The following IRGM variants were observed in gnomAD, a reference collection of about 807,000 sequenced individuals.
IRGM encodes immunity related GTPase M, also known as immunity-related GTPase family M protein.
For synonymous variants in IRGM, 98 were observed against 80.6 expected (o/e 1.22, Z -1.16); for missense variants, 288 against 219.9 (o/e 1.31, Z -1.96).
chr5:150,859,166 C>T (rs1276435632), intron 1 of IRGM, among the ~76,000 whole-genome samples: 5 of 152,176 alleles, frequency 3.3e-5, no homozygotes, highest in African/African-American at 1.2e-4. Flanking sequence ...AGGGCCTTTT[C>T]TGCATCTATT....
chr5:150,853,835 A>G (rs561096070), intron 1 of IRGM, among the ~76,000 whole-genome samples: 7 of 152,214 alleles, frequency 4.6e-5, no homozygotes, highest in Non-Finnish European at 8.8e-5. Context: ...AGTATCTATA[A>G]AAACAACATA....
chr5:150,883,497 C>T (rs950936033), intron 3 of IRGM, among the ~76,000 whole-genome samples: 1 of 151,436 alleles, frequency 6.6e-6, no homozygotes, highest in African/African-American at 2.4e-5. Flanking sequence ...AATTGACAAA[C>T]CCTTAGCTAG....
intron 3 of IRGM, among the ~76,000 whole-genome samples, chr5:150,882,410 C>T (rs1170229348): frequency 6.6e-6 from 1 of 151,862 alleles, no homozygotes; most frequent in East Asian, 1.9e-4. Flanking sequence ...TTAAATTCTT[C>T]AATCAAAAGA....
At chr5:150,897,974 A>C (rs1236376405) in intron 3 of IRGM, 1 of 1,483,146 alleles carries the variant, frequency 6.7e-7, no homozygotes, top group African/African-American at 1.4e-5. Flanking sequence ...TCAGCATAGA[A>C]GCAAAGAATA....
intron 3 of IRGM, chr5:150,895,817 G>T (rs376162000): frequency 1.2e-6 from 2 of 1,613,522 alleles, no homozygotes; most frequent in African/African-American, 1.3e-5. Flanking sequence ...ACTTGCGGGA[G>T]AATGTCTTTC....
intron 3 of IRGM, among the ~76,000 whole-genome samples, chr5:150,899,077 C>A (rs556380856): frequency 6.6e-6 from 1 of 151,824 alleles, no homozygotes; most frequent in South Asian, 2.1e-4. Context: ...GAAGATAATG[C>A]AAAGAGAAAA....
At chr5:150,849,172 A>C (rs918148160), downstream of IRGM, among the ~76,000 whole-genome samples, 3 of 151,898 alleles carry the variant, frequency 2.0e-5, no homozygotes, top group Non-Finnish European at 4.4e-5. Flanking sequence ...TGGGCTTAAA[A>C]ACACACAACT....
downstream of IRGM, among the ~76,000 whole-genome samples, chr5:150,901,879 A>C (rs1197658206): frequency 1.3e-5 from 2 of 152,168 alleles, no homozygotes; most frequent in African/African-American, 4.8e-5. Flanking sequence ...AGTGTATACA[A>C]AAGACCTTTA....
At chr5:150,897,957 T>C in intron 3 of IRGM, 1 of 1,420,936 alleles carries the variant, frequency 7.0e-7, no homozygotes, top group South Asian at 1.4e-5. Context: ...GAGTGACTAC[T>C]AAATTCTCAG....
intron 3 of IRGM, among the ~76,000 whole-genome samples, chr5:150,886,219 AT>A (rs1306895727): frequency 4.6e-5 from 7 of 152,060 alleles, no homozygotes; most frequent in Non-Finnish European, 4.4e-5. Context: ...TTATTTTCTT[AT>A]GTTGAAGCAA....
downstream of IRGM, chr5:150,900,767 T>C (rs1434258230): frequency 6.6e-6 from 1 of 152,044 alleles, no homozygotes; most frequent in Non-Finnish European, 1.5e-5. Context: ...TAATTTGTTT[T>C]ATCTGAAGAA....
chr5:150,872,792 A>T (rs1325164050), intron 1 of IRGM, among the ~76,000 whole-genome samples: 1 of 152,150 alleles, frequency 6.6e-6, no homozygotes, highest in African/African-American at 2.4e-5. Context: ...CCTTGGTGTA[A>T]TGTACAGGGA....
chr5:150,891,173 A>G (rs1754604151), intron 3 of IRGM, among the ~76,000 whole-genome samples: 1 of 152,108 alleles, frequency 6.6e-6, no homozygotes, highest in South Asian at 2.1e-4. Context: ...TTCCTTTATC[A>G]CTATGAACTG....
At chr5:150,898,879 A>C (rs186376430) in intron 3 of IRGM, among the ~76,000 whole-genome samples, 1 of 152,160 alleles carries the variant, frequency 6.6e-6, no homozygotes, top group Non-Finnish European at 1.5e-5. Context: ...TTATGGGTTG[A>C]GTTGTATCTC....
intron 1 of IRGM, among the ~76,000 whole-genome samples, chr5:150,856,836 CTTT>C (rs112223601): frequency 2.0e-5 from 3 of 148,028 alleles, no homozygotes; most frequent in Non-Finnish European, 4.5e-5. Context: ...CATCCATTTT[CTTT>C]TTTTATTTTA....
In IRGM at chr5:150,880,594, C is replaced by T. The variant is rs75801155; in HGVS notation, c.*140+948C>T. 1.9e-3 allele frequency among the ~76,000 whole-genome samples: 294 copies of T among 152,306 alleles called. 3 individuals carry two copies. Among genetic ancestry groups the T allele is most frequent in the African/African-American group, 6.7e-3 (280 of 41,568 alleles). On this transcript the variant is annotated intron_variant and NMD_transcript_variant, in intron 3 of 3. Transcript: ENST00000520549. ...CCTAGGTCATGTATCTAGGTCACAT[C>T]ACTCACCCAGGCCAGGAAAGCCCTC...
intron 1 of IRGM, among the ~76,000 whole-genome samples, chr5:150,862,388 G>T (rs1290818862): frequency 6.6e-6 from 1 of 152,170 alleles, no homozygotes; most frequent in East Asian, 1.9e-4. Flanking sequence ...TTGTACAAGG[G>T]GTGAATATCA....
At position 150,895,916 on chromosome 5, in the gene IRGM, T is replaced by C. The variant is rs554652530; in HGVS notation, c.*141-4673T>C. On this transcript the variant is annotated intron_variant and NMD_transcript_variant, in intron 3 of 3. Coordinates refer to the IRGM transcript ENST00000520549. Reference sequence around the variant, plus strand: ...TCTTCCTGCTGAAGGCTTCCTCACATTGAGCACATTTGTAGGGTTTCTCAC... The same window carrying C: ...TCTTCCTGCTGAAGGCTTCCTCACACTGAGCACATTTGTAGGGTTTCTCAC... 3.7e-6 allele frequency: 6 copies of C among 1,613,570 alleles called. No homozygotes were observed. In the African/African-American group the frequency reaches 5.3e-5, roughly 14 times the overall value.
chr5:150,866,112 T>C lies in IRGM; in HGVS notation c.159-11868T>C, dbSNP rs1403276348. On this transcript the variant is annotated intron_variant and NMD_transcript_variant, in intron 1 of 3. Coordinates refer to the IRGM transcript ENST00000520549. The stretch of plus-strand genomic sequence containing the variant: ...ATTGTTAACTCCCTGTACAGTCTGC[T>C]CCCAGGTTCTATTGTTCCGTGATTC... 3.9e-5 allele frequency among the ~76,000 whole-genome samples: 6 copies of C among 152,208 alleles called. No homozygotes were observed. The East Asian group carries it at 1.2e-3, about 29-fold the overall frequency.
Sources: gnomAD v4.1 joint callset for allele counts (sites outside exome capture counted in the v4.1 genomes callset) on GRCh38, gnomAD v4.1.1 for gene constraint, MANE v1.5 for transcripts, NCBI Gene and HGNC (gene_info 2026-07-23, HGNC 2026-07-21) for gene names.